The following ACSF3 variants were observed in gnomAD, a reference collection of about 807,000 sequenced individuals.
ACSF3 encodes the protein malonate--CoA ligase ACSF3, mitochondrial.
Under a neutral mutation model 53.2 loss-of-function variants are expected in ACSF3, and 78 were observed. The ratio of observed to expected loss-of-function variants is 1.47; its 90% CI spans 1.22 to 1.77. The LOEUF is 1.77. Ranked by LOEUF, ACSF3 falls within the 40% of genes most tolerant of loss-of-function variation. ACSF3 has a pLI of 0.00. For missense variants in ACSF3, 937 were observed against 771.1 expected, an observed-to-expected ratio of 1.22 and a Z score of -2.55; for synonymous variants, 414 against 333.1, an observed-to-expected ratio of 1.24 and a Z score of -2.65.
At position 89,154,848 on chromosome 16, in the gene ACSF3, C is replaced by T. The variant is rs766847976; in HGVS notation, c.*641C>T. The T allele has an allele frequency of 5.5e-5, 25 of 454,024 alleles. No homozygotes were observed. The East Asian group carries it at 1.5e-3, about 28-fold the overall frequency. 28.1% of individuals were successfully genotyped at this position (454,024 alleles called of 1,614,324 possible). ...CCATCAGCATGTGTCACAGAAAGTG[C>T]GTGGACGGATGGCCCCGGAGCTGCT... On this transcript the variant is annotated 3_prime_UTR_variant, in exon 11 of 11. Transcript: ENST00000614302.
chr16:89,105,922 G>C (rs1014831294), intron 4 of ACSF3, among the ~76,000 whole-genome samples: 5 of 152,252 alleles, frequency 3.3e-5, no homozygotes, highest in African/African-American at 7.2e-5. Flanking sequence ...CAGGCCAGCT[G>C]TCAAGGATCT....
intron 8 of ACSF3, among the ~76,000 whole-genome samples, chr16:89,133,638 C>T (rs1909807437): frequency 6.6e-6 from 1 of 152,252 alleles, no homozygotes; most frequent in South Asian, 2.1e-4. Context: ...GCACCCTCCA[C>T]CTCCGAGGTG....
At chr16:89,137,091 A>T (rs1910662476) in intron 8 of ACSF3, among the ~76,000 whole-genome samples, 1 of 152,128 alleles carries the variant, frequency 6.6e-6, no homozygotes, top group African/African-American at 2.4e-5. Flanking sequence ...CAGCAGCAGC[A>T]GCAGCCCCTC....
chr16:89,094,329 C>G (rs74036104), intron 1 of ACSF3, among the ~76,000 whole-genome samples: 2 of 152,192 alleles, frequency 1.3e-5, no homozygotes, highest in Admixed American at 6.5e-5. Context: ...AAATTCACTT[C>G]CATTTCTCAT....
intron 9 of ACSF3, among the ~76,000 whole-genome samples, 166 bp from the exon 10 acceptor site, chr16:89,145,772 C>T (rs1912814717): frequency 6.6e-6 from 1 of 152,192 alleles, no homozygotes; most frequent in African/African-American, 2.4e-5. Context: ...ACTCCCCTCC[C>T]CACAGGCCCA....
At chr16:89,107,319 C>T (rs544173860) in intron 4 of ACSF3, among the ~76,000 whole-genome samples, 48 of 152,276 alleles carry the variant, frequency 3.2e-4, no homozygotes, top group Non-Finnish European at 5.9e-5. Flanking sequence ...CTTTCACCTC[C>T]GCGCCTGCTC....
rs113197046 is a variant in ACSF3, at chr16:89,102,540, C to G, written c.667-64C>G. ...GAGCTCCTTTCCGTGAGCCCGAGGT[C>G]TGTGTGTGCTGTTGCGGGCCACAGT... is the stretch of plus-strand genomic sequence containing the variant. On this transcript the variant is annotated intron_variant, in intron 3 of 10. Coordinates refer to ENST00000614302, the MANE Select transcript of ACSF3 (RefSeq NM_001243279.3). 5.8e-5 allele frequency: 92 copies of G among 1,592,960 alleles called. 3 individuals are homozygous for G. In the African/African-American group the frequency reaches 7.2e-4, roughly 13 times the overall value.
intron 10 of ACSF3, among the ~76,000 whole-genome samples, chr16:89,147,003 G>A (rs932199972): frequency 4.6e-5 from 7 of 151,936 alleles, no homozygotes; most frequent in Admixed American, 1.3e-4. Flanking sequence ...ATAAAGAAAC[G>A]GGGTATAATT....
intron 7 of ACSF3, among the ~76,000 whole-genome samples, chr16:89,126,227 C>G (rs944044880): frequency 6.6e-6 from 1 of 152,166 alleles, no homozygotes; most frequent in Non-Finnish European, 1.5e-5. Context: ...CTTTTCCTCT[C>G]CTTTTTAAAC....
chr16:89,154,393 G>A lies in ACSF3; in HGVS notation c.*186G>A, dbSNP rs1271219680. On this transcript the variant is annotated 3_prime_UTR_variant, in exon 11 of 11. Coordinates refer to ENST00000614302, the MANE Select transcript of ACSF3 (RefSeq NM_001243279.3). ...GGTCCCCAGCCTCGGGCCAGTTGTT[G>A]CAGCTCAAGGAGACCGTCCCTGGTG... 1 of 694,988 alleles carries A rather than the reference G, an allele frequency of 1.4e-6. No individual in the cohort carries two copies. The highest frequency in any genetic ancestry group is 2.0e-5 in the Admixed American group (1 of 49,308). The allele number at this position is 694,988 out of a possible 1,614,324, so 43.1% of individuals were successfully genotyped here.
At chr16:89,148,687 C>G (rs1192549670) in intron 10 of ACSF3, 1 of 152,242 alleles carries the variant, frequency 6.6e-6, no homozygotes, top group East Asian at 1.9e-4. Flanking sequence ...TGTGGGGGCT[C>G]CAACCCCATC....
At chr16:89,141,095 A>G (rs773845269) in intron 8 of ACSF3, 42 of 1,286,446 alleles carry the variant, frequency 3.3e-5, no homozygotes, top group Non-Finnish European at 4.1e-5. Context: ...GAGCCCTCTG[A>G]ACCTTCTGAG....
chr16:89,141,172 T>C (rs1344356656), intron 8 of ACSF3: 3 of 1,287,210 alleles, frequency 2.3e-6, no homozygotes, highest in Non-Finnish European at 3.0e-6. Context: ...GCTGAGACTT[T>C]GTTTAAACCC....
At chr16:89,108,845 A>G (rs1400569132) in intron 4 of ACSF3, among the ~76,000 whole-genome samples, 1 of 152,212 alleles carries the variant, frequency 6.6e-6, no homozygotes, top group Non-Finnish European at 1.5e-5. Flanking sequence ...GAACATTTAC[A>G]TATAAATCTC....
At chr16:89,120,760 C>G (rs1199788004) in intron 6 of ACSF3, 41 bp from the exon 7 acceptor site, 1 of 1,589,026 alleles carries the variant, frequency 6.3e-7, no homozygotes, top group Non-Finnish European at 8.6e-7. Context: ...CCAGGTTCCT[C>G]TCACTCCAGC....
In ACSF3 at chr16:89,116,779, C is replaced by G. The variant is rs994143172; in HGVS notation, c.1126+2292C>G. 2.0e-5 allele frequency among the ~76,000 whole-genome samples: 3 copies of G among 152,214 alleles called. No homozygotes were observed. In the South Asian group the frequency reaches 6.2e-4, roughly 32 times the overall value. On this transcript the variant is annotated intron_variant, in intron 6 of 10. Coordinates refer to ENST00000614302, the MANE Select transcript of ACSF3 (RefSeq NM_001243279.3). ...AGTGCTGGTGGCCCCTGCCCTGGGC[C>G]GGCTCCCGCGTTAGTCTCAGACCCC...
At chr16:89,146,070 C>T (rs763259827) in intron 10 of ACSF3, 21 bp downstream of exon 10, 4 of 794,966 alleles carry the variant, frequency 5.0e-6, no homozygotes, top group South Asian at 4.0e-5. Flanking sequence ...GTGGGGCGGG[C>T]AGGGAGCACT....
intron 8 of ACSF3, chr16:89,141,074 A>G (rs1229268996): frequency 3.1e-6 from 4 of 1,273,404 alleles, no homozygotes; most frequent in African/African-American, 3.1e-5. Flanking sequence ...CAGTGATCGC[A>G]AGTTGCCCTG....
chr16:89,106,165 G>C (rs1975956902), intron 4 of ACSF3, among the ~76,000 whole-genome samples: 1 of 152,240 alleles, frequency 6.6e-6, no homozygotes, highest in South Asian at 2.1e-4. Flanking sequence ...TCATCTTCCA[G>C]ACACTGCAGA....
Sources: gnomAD v4.1 joint callset for allele counts (sites outside exome capture counted in the v4.1 genomes callset) on GRCh38, gnomAD v4.1.1 for gene constraint, MANE v1.5 for transcripts, NCBI Gene and HGNC (gene_info 2026-07-23, HGNC 2026-07-21) for gene names.